Variants in FAM53A observed in about 807,000 individuals in gnomAD.
The protein encoded by FAM53A is family with sequence similarity 53 member A, also known as protein FAM53A.
In FAM53A, 28 loss-of-function variants were observed where a neutral mutation model predicts 26.6. That is an observed-to-expected ratio of 1.05 (90% CI 0.78 to 1.45). The LOEUF is 1.45. Ranked by LOEUF, FAM53A falls within the 40% of genes most tolerant of loss-of-function variation. The probability of loss-of-function intolerance (pLI) is 0.00; values close to 1 mark genes in which losing one functional copy is unlikely to be tolerated. For synonymous variants in FAM53A, 290 were observed against 253.1 expected (o/e 1.15, Z -1.38); for missense variants, 650 against 575.8 (o/e 1.13, Z -1.32).
intron 1 of FAM53A, among the ~76,000 whole-genome samples, chr4:1,677,034 C>T (rs1204967523): frequency 2.6e-5 from 4 of 152,170 alleles, no homozygotes; most frequent in Non-Finnish European, 5.9e-5. Flanking sequence ...CTCCTGGAGT[C>T]CCACCTTGTG....
intron 1 of FAM53A, among the ~76,000 whole-genome samples, chr4:1,674,699 C>T (rs1714914725): frequency 6.6e-6 from 1 of 151,804 alleles, no homozygotes; most frequent in South Asian, 2.1e-4. Flanking sequence ...ATAGCATCTG[C>T]AAAGACCCTA....
chr4:1,664,329 G>A (rs1339292908), intron 2 of FAM53A, among the ~76,000 whole-genome samples: 1 of 152,122 alleles, frequency 6.6e-6, no homozygotes, highest in African/African-American at 2.4e-5. Context: ...CAAACAAGGA[G>A]CCCTGAGCTA....
At chr4:1,634,904 A>T (rs1378642378), downstream of FAM53A, among the ~76,000 whole-genome samples, 2 of 152,038 alleles carry the variant, frequency 1.3e-5, no homozygotes, top group Non-Finnish European at 2.9e-5. Context: ...CTGTCTCAAA[A>T]AAAAAAAAAT....
intron 1 of FAM53A, among the ~76,000 whole-genome samples, chr4:1,669,738 G>A (rs1372511854): frequency 6.6e-6 from 1 of 152,352 alleles, no homozygotes; most frequent in African/African-American, 2.4e-5. Flanking sequence ...CTAGGTGAGA[G>A]GGCAAGGCCT....
the FAM53A span, among the ~76,000 whole-genome samples, chr4:1,599,296 G>C: frequency 6.6e-6 from 1 of 151,798 alleles, no homozygotes; most frequent in African/African-American, 2.4e-5. The surrounding 1 kb of genome is among the most constrained non-coding windows in gnomAD (Gnocchi z 6.1). Flanking sequence ...CGGAGCTCAG[G>C]GCCGTCAGCT....
chr4:1,641,850 G>A (rs73078114), intron 4 of FAM53A, among the ~76,000 whole-genome samples: 2,239 of 152,250 alleles, frequency 0.015, 49 homozygotes, highest in African/African-American at 0.051. Flanking sequence ...CGCCCAGCTG[G>A]TGTGGGCAGA....
rs3134867 is a variant in FAM53A, at chr4:1,684,252, T to A, written c.-184A>T. 1 of 150,728 alleles carries A rather than the reference T, an allele frequency of 6.6e-6. No individual in the cohort carries two copies. Among genetic ancestry groups the A allele is most frequent in the East Asian group, 2.0e-4 (1 of 5,114 alleles). 9.3% of individuals were successfully genotyped at this position (150,728 alleles called of 1,614,324 possible). A position where few individuals can be genotyped will look rare whatever the true frequency, so the allele number is the denominator to read the frequency against. ...CGGTACCTGAGCGCGGCCGCGGGGG[T>A]GCGGAGCGAGAAGACTGCCGGCCGC... On this transcript the variant is annotated 5_prime_UTR_variant, in exon 1 of 5. Transcript: ENST00000308132.
chr4:1,599,445 G>A, the FAM53A span, among the ~76,000 whole-genome samples: 1 of 152,220 alleles, frequency 6.6e-6, no homozygotes, highest in African/African-American at 2.4e-5. The surrounding 1 kb of genome is among the most constrained non-coding windows in gnomAD (Gnocchi z 6.1). Flanking sequence ...ACAAGGCACA[G>A]AGGCCAAATG....
At chr4:1,678,884 C>T (rs1715216497) in intron 1 of FAM53A, among the ~76,000 whole-genome samples, 1 of 151,472 alleles carries the variant, frequency 6.6e-6, no homozygotes, top group South Asian at 2.1e-4. Context: ...GGATCACAGA[C>T]CTAAAGTAAA....
rs745494459 is a variant in FAM53A, at chr4:1,641,305, G to A, written c.1185C>T (p.Ile395=). 1.3e-5 allele frequency: 21 copies of A among 1,612,856 alleles called. No homozygotes were observed. The highest frequency in any genetic ancestry group is 8.9e-5 in the East Asian group (4 of 44,892). ...GCCCCCACCAGCCTCAGTTGTTCTCGATCTGCTCCAGGTCCAGCTCCCAGC... is the reference window on the plus strand; with the variant it reads ...GCCCCCACCAGCCTCAGTTGTTCTCAATCTGCTCCAGGTCCAGCTCCCAGC... ...RARWELDLEQ[I]ENN The change falls in exon 5 of 5, where the codon ATC becomes ATT. Residue 395 remains isoleucine, a synonymous_variant. Transcript: ENST00000308132.
At chr4:1,684,610 G>A (rs1715692862), upstream of FAM53A, among the ~76,000 whole-genome samples, 1 of 151,962 alleles carries the variant, frequency 6.6e-6, no homozygotes, top group Non-Finnish European at 1.5e-5. Flanking sequence ...CAAGACCTGT[G>A]GCGGCGGCGA....
intron 1 of FAM53A, among the ~76,000 whole-genome samples, chr4:1,679,427 G>A (rs1047931861): frequency 6.9e-6 from 1 of 144,152 alleles, no homozygotes; most frequent in African/African-American, 2.6e-5. Flanking sequence ...AGTGGTTCAT[G>A]CCTGTAATCC....
the FAM53A span, among the ~76,000 whole-genome samples, chr4:1,575,283 C>T: frequency 6.6e-6 from 1 of 152,336 alleles, no homozygotes; most frequent in East Asian, 1.9e-4. Flanking sequence ...GTCCAGGGCT[C>T]CACCACACCC....
Position 1,655,653 on chromosome 4 carries a change from G to A in FAM53A, c.207C>T (p.Phe69=). The A allele has an allele frequency of 6.3e-7, 1 of 1,597,346 alleles. No individual in the cohort carries two copies. Among genetic ancestry groups the A allele is most frequent in the South Asian group, 1.1e-5 (1 of 89,328 alleles). The stretch of plus-strand genomic sequence containing the variant: ...CAGCAGACAGGCCCGGCAGGAAGGA[G>A]AAATCAGGGCCCGTGGCTGCCTGGC... ...VRSQAATGPD[F]SFLPGLSAAA... The change falls in exon 4 of 5, where the codon TTC becomes TTT. Residue 69 remains phenylalanine (F), a synonymous_variant. Transcript: ENST00000308132.
the FAM53A span, among the ~76,000 whole-genome samples, chr4:1,575,603 A>C: frequency 6.6e-6 from 1 of 152,222 alleles, no homozygotes; most frequent in Admixed American, 6.5e-5. Flanking sequence ...GAAGCTGAGT[A>C]CAGGTGGCGG....
chr4:1,593,395 C>T, the FAM53A span, among the ~76,000 whole-genome samples: 2 of 152,260 alleles, frequency 1.3e-5, no homozygotes, highest in East Asian at 1.9e-4. Flanking sequence ...GGCCCAGGGC[C>T]GCCCCTGACA....
chr4:1,606,434 G>A, the FAM53A span, among the ~76,000 whole-genome samples: 14 of 151,728 alleles, frequency 9.2e-5, no homozygotes, highest in African/African-American at 3.1e-4. Flanking sequence ...CGGGCTCCTC[G>A]CGGGACTGCT....
intron 2 of FAM53A, among the ~76,000 whole-genome samples, chr4:1,665,680 A>G (rs917042029): frequency 2.0e-5 from 3 of 152,118 alleles, no homozygotes. Context: ...CAGGGTCAGC[A>G]GGAGCAGGAG....
At chr4:1,588,865 G>A in the FAM53A span, among the ~76,000 whole-genome samples, 2,436 of 152,266 alleles carry the variant, frequency 0.016, 49 homozygotes, top group Middle Eastern at 0.044. Flanking sequence ...TTGCTAAATC[G>A]TTTTATAAGT....
Sources: allele counts gnomAD v4.1 joint callset (sites outside exome capture counted in the v4.1 genomes callset), GRCh38; gene constraint gnomAD v4.1.1; non-coding constraint Gnocchi (gnomAD v3.1); transcripts MANE v1.5; gene names NCBI Gene and HGNC (gene_info 2026-07-23, HGNC 2026-07-21).